The following SAMMSON variants were observed in gnomAD, a reference collection of about 807,000 sequenced individuals.
The protein encoded by SAMMSON is survival associated mitochondrial melanoma specific oncogenic non-coding RNA, also known as long intergenic non-protein coding RNA 1212.
chr3:70,005,478 G>C (rs1213704732), intron 1 of SAMMSON, among the ~76,000 whole-genome samples: 1 of 151,932 alleles, frequency 6.6e-6, no homozygotes, highest in African/African-American at 2.4e-5. Context: ...TAGTATTCTG[G>C]CCCAAGCTTT....
chr3:70,311,068 T>A (rs1284040396), intron 7 of SAMMSON, among the ~76,000 whole-genome samples: 3 of 152,222 alleles, frequency 2.0e-5, no homozygotes, highest in African/African-American at 7.2e-5. Context: ...TTGTTATCAT[T>A]ATTTTGGTGT....
intron 6 of SAMMSON, among the ~76,000 whole-genome samples, chr3:70,289,983 A>G (rs1001650435): frequency 3.3e-5 from 5 of 152,102 alleles, no homozygotes; most frequent in African/African-American, 1.2e-4. Flanking sequence ...CAAAGTTTTC[A>G]ACTTCTTTGC....
chr3:70,297,979 A>T (rs1288934340), intron 7 of SAMMSON, among the ~76,000 whole-genome samples: 1 of 145,960 alleles, frequency 6.9e-6, no homozygotes, highest in African/African-American at 2.4e-5. Flanking sequence ...TTAAATAATC[A>T]GGGGAGAAAT....
chr3:70,355,217 G>A lies in SAMMSON; in HGVS notation n.842+940G>A, dbSNP rs190745932. On this transcript the variant is annotated intron_variant and non_coding_transcript_variant, in intron 8 of 9. Coordinates refer to ENST00000642114, the Ensembl canonical transcript of SAMMSON. ...TCTGGTTGAGAATACAGCATCCCAT[G>A]CAACCAATCAGCAAACTCTACTAAG... Among the ~76,000 whole-genome samples the A allele has an allele frequency of 2.4e-3, 371 of 152,180 alleles. 1 individual carries two copies. The highest frequency in any genetic ancestry group is 0.02 in the Middle Eastern group (6 of 294).
At chr3:70,317,512 G>A (rs1259884144) in intron 7 of SAMMSON, among the ~76,000 whole-genome samples, 1 of 151,706 alleles carries the variant, frequency 6.6e-6, no homozygotes, top group African/African-American at 2.4e-5. Flanking sequence ...AAAAATAGGT[G>A]TGACTTACTT....
intron 3 of SAMMSON, among the ~76,000 whole-genome samples, chr3:70,066,897 T>A (rs2107593528): frequency 6.6e-6 from 1 of 152,228 alleles, no homozygotes. Flanking sequence ...CTGCCGAATG[T>A]TAAATAAATA....
At chr3:70,102,136 A>C (rs1186865669) in intron 4 of SAMMSON, among the ~76,000 whole-genome samples, 1 of 152,208 alleles carries the variant, frequency 6.6e-6, no homozygotes, top group Non-Finnish European at 1.5e-5. Context: ...GGATGTTTAG[A>C]GATTCCATCT....
chr3:70,324,683 A>G (rs1261079299), intron 7 of SAMMSON, among the ~76,000 whole-genome samples: 1 of 152,156 alleles, frequency 6.6e-6, no homozygotes, highest in Non-Finnish European at 1.5e-5. Flanking sequence ...GTGATGTGAT[A>G]ATAAGCATGT....
At chr3:70,053,108 A>G (rs576659007) in intron 3 of SAMMSON, among the ~76,000 whole-genome samples, 4 of 152,258 alleles carry the variant, frequency 2.6e-5, no homozygotes, top group African/African-American at 7.2e-5. Context: ...AGTTCCCTTC[A>G]CATATGCTTA....
chr3:70,198,082 A>G lies in SAMMSON; in HGVS notation n.508-51025A>G, dbSNP rs192661939. The stretch of plus-strand genomic sequence containing the variant: ...ACTTTTCTTTCTTTTAAGTTAAAAA[A>G]GTCTAAAAAATGTGTGAGTGCTTTG... On this transcript the variant is annotated intron_variant and non_coding_transcript_variant, in intron 4 of 9. Transcript: ENST00000642114. 2.6e-3 allele frequency among the ~76,000 whole-genome samples: 389 copies of G among 152,308 alleles called. 1 individual carries two copies. Among genetic ancestry groups the G allele is most frequent in the Non-Finnish European group, 4.5e-3 (305 of 68,004 alleles).
At chr3:70,145,619 C>T (rs1190100906) in intron 4 of SAMMSON, among the ~76,000 whole-genome samples, 1 of 151,650 alleles carries the variant, frequency 6.6e-6, no homozygotes, top group Non-Finnish European at 1.5e-5. Context: ...AAGAGGAAAT[C>T]TCAGGGAATT....
intron 7 of SAMMSON, among the ~76,000 whole-genome samples, chr3:70,293,306 T>G (rs557302102): frequency 6.6e-6 from 1 of 152,196 alleles, no homozygotes; most frequent in African/African-American, 2.4e-5. Context: ...TATCAAAATA[T>G]GTAAAAAACT....
intron 4 of SAMMSON, among the ~76,000 whole-genome samples, chr3:70,073,127 G>A (rs552591633): frequency 4.6e-5 from 7 of 152,044 alleles, no homozygotes; most frequent in South Asian, 2.1e-4. Context: ...GGTAAATAAG[G>A]ACAGAACCAT....
chr3:70,029,478 G>A (rs567578927), intron 3 of SAMMSON, among the ~76,000 whole-genome samples: 340 of 152,186 alleles, frequency 2.2e-3, no homozygotes, highest in African/African-American at 7.9e-3. Context: ...ATTTGGCGGG[G>A]CGTGGTAGCT....
intron 9 of SAMMSON, among the ~76,000 whole-genome samples, chr3:70,376,998 T>C (rs1199578024): frequency 6.6e-6 from 1 of 152,048 alleles, no homozygotes; most frequent in Non-Finnish European, 1.5e-5. Context: ...TAAACCTAGA[T>C]TACAATAAAG....
chr3:70,068,707 A>G (rs1461117150), intron 3 of SAMMSON: 4 of 152,114 alleles, frequency 2.6e-5, no homozygotes. Flanking sequence ...TTTTGGAGAA[A>G]AAATATTGGA....
At chr3:70,127,964 A>C (rs769666214) in intron 4 of SAMMSON, among the ~76,000 whole-genome samples, 2 of 152,208 alleles carry the variant, frequency 1.3e-5, no homozygotes, top group Non-Finnish European at 2.9e-5. Context: ...TATAGATGAT[A>C]GTTCATACTC....
At chr3:70,223,390 G>A (rs913751851) in intron 4 of SAMMSON, among the ~76,000 whole-genome samples, 1 of 152,118 alleles carries the variant, frequency 6.6e-6, no homozygotes, top group Admixed American at 6.6e-5. Flanking sequence ...TGAGTGCAGA[G>A]CACTGATATA....
intron 3 of SAMMSON, among the ~76,000 whole-genome samples, chr3:70,064,243 G>C (rs1218501957): frequency 1.3e-5 from 2 of 152,110 alleles, no homozygotes; most frequent in Admixed American, 1.3e-4. Flanking sequence ...AATGCCCTGT[G>C]TTTCTGTCTA....
Sources: allele counts gnomAD v4.1 joint callset (sites outside exome capture counted in the v4.1 genomes callset), GRCh38; gene constraint gnomAD v4.1.1; transcripts MANE v1.5; gene names NCBI Gene and HGNC (gene_info 2026-07-23, HGNC 2026-07-21).